The following PPEF2 variants were observed in gnomAD, a reference collection of about 807,000 sequenced individuals.
PPEF2 encodes protein phosphatase with EF-hand domain 2.
A neutral mutation model predicts 84.7 loss-of-function variants in PPEF2; 84 were observed. That is an observed-to-expected ratio of 0.99 (90% CI 0.83 to 1.19). The LOEUF (loss-of-function observed/expected upper bound fraction) is 1.19, where lower values mean the gene tolerates loss of function less well. Among genes scored for constraint, PPEF2 ranks in the 50% most tolerant of loss-of-function variants. The pLI, the probability that PPEF2 is intolerant of heterozygous loss-of-function variation, is 0.00. For missense variants in PPEF2, 924 were observed against 937.5 expected (o/e 0.99, Z 0.19); for synonymous variants, 346 against 345.2 (o/e 1.00, Z -0.03).
chr4:75,869,245 C>T (rs1724208296), intron 13 of PPEF2, among the ~76,000 whole-genome samples: 1 of 152,196 alleles, frequency 6.6e-6, no homozygotes, highest in Admixed American at 6.5e-5. Flanking sequence ...CCCTTGAAAG[C>T]TATCTGGATG....
At position 75,868,315 on chromosome 4, in the gene PPEF2, C is replaced by CAAAAAAAA. The variant is rs10646136; in HGVS notation, c.1650-904_1650-897dup. On this transcript the variant is annotated intron_variant, in intron 13 of 16. Coordinates refer to ENST00000286719, the MANE Select transcript of PPEF2 (RefSeq NM_006239.3). ...TGGGTGAAAAAGTAAGACCCTGTCT[C>CAAAAAAAA]AAAAAAAAAAAAAAAAAGAATATAA... Among the ~76,000 whole-genome samples, 91 of 55,044 alleles carry CAAAAAAAA rather than the reference C, an allele frequency of 1.7e-3. 1 individual carries two copies. Among genetic ancestry groups the CAAAAAAAA allele is most frequent in the South Asian group, 4.3e-3 (4 of 928 alleles). 36.1% of individuals were successfully genotyped at this position (55,044 alleles called of 152,430 possible).
rs377624394 is a variant in PPEF2 at position 75,886,843 on chromosome 4, C to T, written c.579+9G>A. ...GAGCAAGAAAGCAACTTAATTTGAA[C>T]ATTCATACCTTATAAAATATAAAGA... On this transcript the variant is annotated intron_variant, in intron 7 of 16. Transcript: ENST00000286719. 3.3e-4 allele frequency: 479 copies of T among 1,463,454 alleles called. 1 individual carries two copies. Among genetic ancestry groups the T allele is most frequent in the Non-Finnish European group, 4.3e-4 (464 of 1,073,016 alleles). The allele number at this position is 1,463,454 out of a possible 1,614,324, so 90.7% of individuals were successfully genotyped here. A position where few individuals can be genotyped will look rare whatever the true frequency, so the allele number is the denominator to read the frequency against.
intron 10 of PPEF2, 107 bp downstream of exon 10, chr4:75,882,819 C>G: frequency 7.8e-7 from 1 of 1,284,376 alleles, no homozygotes; most frequent in African/African-American, 1.5e-5. Context: ...CCTCCACACT[C>G]TTAACAGCCA....
intron 4 of PPEF2, among the ~76,000 whole-genome samples, chr4:75,891,250 G>A (rs72651348): frequency 6.6e-5 from 10 of 151,682 alleles, no homozygotes; most frequent in Middle Eastern, 3.2e-3. Flanking sequence ...CTCCCCAGCC[G>A]CTTTCAACCA....
At chr4:75,897,671 A>C (rs554316039) in intron 1 of PPEF2, among the ~76,000 whole-genome samples, 2 of 152,168 alleles carry the variant, frequency 1.3e-5, no homozygotes, top group African/African-American at 2.4e-5. Flanking sequence ...GCTACTTGGG[A>C]GGCTGAGGCA....
chr4:75,868,315 C>CAAAAAAAAAAAAAAAAAAAAAAAAAAA, intron 13 of PPEF2, among the ~76,000 whole-genome samples: 4 of 55,694 alleles, frequency 7.2e-5, no homozygotes, highest in Non-Finnish European at 9.4e-5. Context: ...GACCCTGTCT[C>CAAAAAAAAAAAAAAAAAAAAAAAAAAA]AAAAAAAAAA....
chr4:75,901,015 A>G (rs777649393), intron 1 of PPEF2, among the ~76,000 whole-genome samples: 2 of 152,240 alleles, frequency 1.3e-5, no homozygotes, highest in Non-Finnish European at 2.9e-5. Context: ...ACCTCTGGAG[A>G]AAGAGGTTGG....
chr4:75,884,713 A>G lies in PPEF2; in HGVS notation c.627T>C (p.Phe209=), dbSNP rs146968097. 28 of 1,613,032 alleles carry G rather than the reference A, an allele frequency of 1.7e-5. No individual in the cohort carries two copies. The highest frequency in any genetic ancestry group is 2.3e-5 in the Non-Finnish European group (27 of 1,179,718). The change falls in exon 8 of 17, where the codon TTT becomes TTC. Residue 209 remains phenylalanine (F), a synonymous_variant. Transcript: ENST00000286719. ...CTACTGAATCCTTGCCTCGATCCAC[A>G]AAGTCACCGTTGAACACATATGACC... The part of the protein sequence containing the change: ...PERSYVFNGD[F]VDRGKDSVEI...
At chr4:75,892,303 G>A (rs749747919) in intron 2 of PPEF2, among the ~76,000 whole-genome samples, 1 of 152,142 alleles carries the variant, frequency 6.6e-6, no homozygotes, top group Non-Finnish European at 1.5e-5. Flanking sequence ...AGAAGGAGAT[G>A]TAAACTCATG....
At chr4:75,877,079 A>G (rs916941860) in intron 10 of PPEF2, among the ~76,000 whole-genome samples, 3 of 146,188 alleles carry the variant, frequency 2.1e-5, no homozygotes, top group Non-Finnish European at 4.6e-5. Context: ...TCACGCCTGT[A>G]ATCCCAGCAC....
intron 6 of PPEF2, among the ~76,000 whole-genome samples, chr4:75,887,099 C>A (rs538443381): frequency 6.6e-6 from 1 of 151,984 alleles, no homozygotes; most frequent in African/African-American, 2.4e-5. Flanking sequence ...TTTTTTCTGC[C>A]GGATTATTAT....
At chr4:75,895,518 A>G (rs979462157) in intron 2 of PPEF2, among the ~76,000 whole-genome samples, 3 of 151,874 alleles carry the variant, frequency 2.0e-5, no homozygotes, top group African/African-American at 7.3e-5. Context: ...GGATCACCTG[A>G]AGTGAGAGTT....
At chr4:75,876,244 G>A in intron 11 of PPEF2, 43 bp downstream of exon 11, 1 of 1,542,998 alleles carries the variant, frequency 6.5e-7, no homozygotes, top group Non-Finnish European at 8.7e-7. Context: ...GTTTTGACCT[G>A]TTGGCAGCCA....
At chr4:75,899,192 A>T (rs1221414749) in intron 1 of PPEF2, among the ~76,000 whole-genome samples, 1 of 152,154 alleles carries the variant, frequency 6.6e-6, no homozygotes, top group East Asian at 1.9e-4. Flanking sequence ...ACAGGATTTC[A>T]TCCTTTTTAT....
At chr4:75,878,217 CT>C (rs1207588094) in intron 10 of PPEF2, among the ~76,000 whole-genome samples, 2 of 152,188 alleles carry the variant, frequency 1.3e-5, no homozygotes, top group Admixed American at 1.3e-4. Context: ...AATAGAGTCC[CT>C]CTCACTTGCG....
chr4:75,900,360 G>C (rs1345669623), intron 1 of PPEF2, among the ~76,000 whole-genome samples: 1 of 152,118 alleles, frequency 6.6e-6, no homozygotes, highest in African/African-American at 2.4e-5. Context: ...ATCTATCATG[G>C]GCCAATAAAC....
chr4:75,883,453 T>C (rs1374356208), intron 8 of PPEF2: 1 of 510,726 alleles, frequency 2.0e-6, no homozygotes, highest in East Asian at 3.2e-5. Flanking sequence ...CTATTATTTA[T>C]ATGATAGAGT....
chr4:75,891,000 T>C (rs960528673), intron 4 of PPEF2, among the ~76,000 whole-genome samples: 1 of 152,034 alleles, frequency 6.6e-6, no homozygotes, highest in Non-Finnish European at 1.5e-5. Flanking sequence ...CTGGTTAACA[T>C]GGTGAAAGCC....
rs1280596792 is a variant in PPEF2 at position 75,880,821 on chromosome 4, G to T, written c.933+2105C>A. Among the ~76,000 whole-genome samples the T allele has an allele frequency of 4.4e-3, 142 of 32,444 alleles. 3 individuals carry two copies. The highest frequency in any genetic ancestry group is 8.2e-3 in the Non-Finnish European group (77 of 9,408). 21.3% of individuals were successfully genotyped at this position (32,444 alleles called of 152,430 possible). A position where few individuals can be genotyped will look rare whatever the true frequency, so the allele number is the denominator to read the frequency against. On this transcript the variant is annotated intron_variant, in intron 10 of 16. Coordinates refer to ENST00000286719, the MANE Select transcript of PPEF2 (RefSeq NM_006239.3). ...TATAAATACTTTTTTTTTTTTTTGA[G>T]ACAGAGTCTCACTCTGTCGCCAGGC...
Sources: allele counts gnomAD v4.1 joint callset (sites outside exome capture counted in the v4.1 genomes callset), GRCh38; gene constraint gnomAD v4.1.1; transcripts MANE v1.5; gene names NCBI Gene and HGNC (gene_info 2026-07-23, HGNC 2026-07-21).